The following DIAPH2 variants were observed in gnomAD, a reference collection of about 807,000 sequenced individuals.
The protein encoded by DIAPH2 is diaphanous related formin 2.
Under a neutral mutation model 92.7 loss-of-function variants are expected in DIAPH2, and 35 were observed. The ratio of observed to expected loss-of-function variants is 0.38; its 90% CI spans 0.29 to 0.50. The LOEUF is 0.50. Among genes scored for constraint, DIAPH2 ranks in the 20% least tolerant of loss-of-function variants. The probability of loss-of-function intolerance (pLI) is 0.94; values close to 1 mark genes in which losing one functional copy is unlikely to be tolerated. For missense variants in DIAPH2, 701 were observed against 819.5 expected (o/e 0.86, Z 1.77); for synonymous variants, 301 against 280.4 (o/e 1.07, Z -0.73).
chrX:96,973,126 G>T (rs917792215), intron 17 of DIAPH2, among the ~76,000 whole-genome samples: 7 of 111,839 alleles, frequency 6.3e-5, no homozygotes, highest in African/African-American at 2.3e-4. Context: ...AAAATATACA[G>T]TTGGCGTCTC....
chrX:97,045,674 G>T (rs2066477203), intron 17 of DIAPH2, among the ~76,000 whole-genome samples: 1 of 110,045 alleles, frequency 9.1e-6, no homozygotes, highest in South Asian at 3.9e-4. Flanking sequence ...ACGATCAAAT[G>T]AATCAAATGC....
intron 22 of DIAPH2, among the ~76,000 whole-genome samples, chrX:97,185,437 G>A (rs6615893): frequency 9.9e-5 from 4 of 40,516 alleles, no homozygotes; most frequent in African/African-American, 2.0e-4. Context: ...ATATATATGT[G>A]TATATATATA....
chrX:97,590,080 T>C (rs1377789252), intron 26 of DIAPH2, among the ~76,000 whole-genome samples: 1 of 112,447 alleles, frequency 8.9e-6, no homozygotes, highest in African/African-American at 3.2e-5. Context: ...ACATTGCTAA[T>C]GGGAAGCACC....
chrX:97,079,656 A>G (rs183062263), intron 19 of DIAPH2, among the ~76,000 whole-genome samples: 3 of 111,653 alleles, frequency 2.7e-5, no homozygotes, highest in African/African-American at 6.5e-5. Context: ...ATCAGGACCA[A>G]TGGAGTTCTT....
chrX:97,283,932 A>G (rs1331446688), intron 23 of DIAPH2, among the ~76,000 whole-genome samples: 2 of 112,387 alleles, frequency 1.8e-5, no homozygotes, highest in Non-Finnish European at 3.8e-5. Flanking sequence ...ACAAGAGTGA[A>G]ACTCCATCTC....
intron 23 of DIAPH2, among the ~76,000 whole-genome samples, chrX:97,343,728 C>T (rs2069133267): frequency 9.2e-6 from 1 of 109,159 alleles, no homozygotes; most frequent in African/African-American, 3.3e-5. Context: ...AAATTATTAC[C>T]AGAGGAGAGG....
intron 4 of DIAPH2, among the ~76,000 whole-genome samples, chrX:96,846,233 C>T (rs192744049): frequency 1.9e-3 from 209 of 109,796 alleles, no homozygotes; most frequent in Non-Finnish European, 3.0e-3. Flanking sequence ...CTGCAACCTC[C>T]GCCTTCTGGG....
chrX:96,748,118 C>T (rs763954242), intron 3 of DIAPH2, among the ~76,000 whole-genome samples: 19 of 111,698 alleles, frequency 1.7e-4, no homozygotes, highest in South Asian at 7.5e-4. Context: ...ATTTTATTGC[C>T]GAGCATGATT....
At chrX:97,591,409 T>G (rs1191026758) in intron 26 of DIAPH2, among the ~76,000 whole-genome samples, 2 of 112,503 alleles carry the variant, frequency 1.8e-5, no homozygotes, top group African/African-American at 6.5e-5. Flanking sequence ...TGCAGATAGC[T>G]TATGCAGTAA....
intron 20 of DIAPH2, among the ~76,000 whole-genome samples, chrX:97,100,218 A>G (rs1363056268): frequency 9.0e-6 from 1 of 111,357 alleles, no homozygotes; most frequent in Non-Finnish European, 1.9e-5. Flanking sequence ...TTTCTAGGGT[A>G]TATGTCGTGT....
At chrX:96,690,588 T>G (rs888981302) in intron 1 of DIAPH2, among the ~76,000 whole-genome samples, 10 of 112,026 alleles carry the variant, frequency 8.9e-5, no homozygotes, top group African/African-American at 3.2e-4. Context: ...GGTTATATGT[T>G]GAAAGATTCC....
At chrX:97,362,583 C>G (rs1165510534) in intron 24 of DIAPH2, among the ~76,000 whole-genome samples, 4 of 112,288 alleles carry the variant, frequency 3.6e-5, no homozygotes, top group African/African-American at 1.3e-4. Flanking sequence ...AGTTTACTTG[C>G]TTTCTTTTTC....
chrX:96,839,058 T>A (rs751456510), intron 4 of DIAPH2, among the ~76,000 whole-genome samples: 27 of 111,552 alleles, frequency 2.4e-4, no homozygotes, highest in African/African-American at 8.8e-4. Context: ...CCACAATACA[T>A]CTATATCATA....
At chrX:97,035,954 A>G (rs1186923448) in intron 17 of DIAPH2, among the ~76,000 whole-genome samples, 3 of 111,175 alleles carry the variant, frequency 2.7e-5, no homozygotes, top group Non-Finnish European at 5.7e-5. Context: ...AAAAAAAAAA[A>G]GATTTCATTT....
chrX:97,265,320 A>T (rs190122923), intron 23 of DIAPH2, among the ~76,000 whole-genome samples: 5 of 112,045 alleles, frequency 4.5e-5, no homozygotes, highest in Admixed American at 2.9e-4. Flanking sequence ...CAGTTAAGAG[A>T]GTCAAATATT....
intron 9 of DIAPH2, among the ~76,000 whole-genome samples, chrX:96,925,641 A>G (rs2065575666): frequency 9.0e-6 from 1 of 111,687 alleles, no homozygotes; most frequent in African/African-American, 3.3e-5. Context: ...AGAATGCTTA[A>G]AGTCCAGCAT....
rs762698565 is a variant in DIAPH2 at position 97,415,404 on chromosome X, G to A, written c.3146-14246G>A. Among the ~76,000 whole-genome samples, 7 of 111,764 alleles carry A rather than the reference G, an allele frequency of 6.3e-5. No homozygotes were observed. In the South Asian group the frequency reaches 1.9e-3, roughly 30 times the overall value. ...TGCTACTATAAAGACACATGCACAC[G>A]TTTGTTTATTGCAGCACTATTCACA... is the stretch of plus-strand genomic sequence containing the variant. On this transcript the variant is annotated intron_variant, in intron 25 of 26. Transcript: ENST00000324765.
intron 22 of DIAPH2, among the ~76,000 whole-genome samples, chrX:97,178,617 T>TA (rs1392332378): frequency 1.8e-5 from 2 of 109,097 alleles, no homozygotes; most frequent in Non-Finnish European, 3.8e-5. Context: ...CACGCCTGGC[T>TA]AATTTTTGTA....
At position 97,223,515 on chromosome X, in the gene DIAPH2, T is replaced by C. The variant is rs762154484; in HGVS notation, c.2720-24200T>C. ...TTTTAATTTATCTTAGTTTCTGATA[T>C]GTTTTCATTTACTCGATTACATATT... On this transcript the variant is annotated intron_variant, in intron 22 of 26. Transcript: ENST00000324765. 8.9e-5 allele frequency among the ~76,000 whole-genome samples: 10 copies of C among 111,986 alleles called. No homozygotes were observed. In the South Asian group the frequency reaches 3.7e-3, roughly 41 times the overall value.
Sources: gnomAD v4.1 joint callset for allele counts (sites outside exome capture counted in the v4.1 genomes callset) on GRCh38, gnomAD v4.1.1 for gene constraint, MANE v1.5 for transcripts, NCBI Gene and HGNC (gene_info 2026-07-23, HGNC 2026-07-21) for gene names.